The following CNTNAP2 variants were observed in gnomAD, a reference collection of about 807,000 sequenced individuals.
The protein encoded by CNTNAP2 is contactin associated protein 2.
A neutral mutation model predicts 155.2 loss-of-function variants in CNTNAP2; 98 were observed. The observed-to-expected ratio is 0.63, with a 90% CI of 0.54 to 0.75. The LOEUF is 0.75. Among genes scored for constraint, CNTNAP2 ranks in the 30% least tolerant of loss-of-function variants. The pLI is 0.00. For synonymous variants in CNTNAP2, 651 were observed against 631.2 expected (o/e 1.03, Z -0.47); for missense variants, 1,727 against 1,688.1 (o/e 1.02, Z -0.40).
chr7:147,704,120 T>TA (rs1796275815), intron 13 of CNTNAP2, among the ~76,000 whole-genome samples: 1 of 152,240 alleles, frequency 6.6e-6, no homozygotes, highest in Non-Finnish European at 1.5e-5. Flanking sequence ...ATTGTGTACA[T>TA]ACACAACTTT....
chr7:147,983,544 G>C (rs754857309), intron 15 of CNTNAP2, among the ~76,000 whole-genome samples: 1 of 152,162 alleles, frequency 6.6e-6, no homozygotes, highest in East Asian at 1.9e-4. Context: ...ACAGGCTCAA[G>C]AGGTCCTCAG....
intron 9 of CNTNAP2, among the ~76,000 whole-genome samples, chr7:147,350,826 C>T (rs187903790): frequency 6.6e-6 from 1 of 151,844 alleles, no homozygotes; most frequent in East Asian, 1.9e-4. Context: ...TGTGCCTGGA[C>T]CAAAGCATTT....
intron 15 of CNTNAP2, among the ~76,000 whole-genome samples, chr7:148,086,108 T>A (rs1803723604): frequency 6.6e-6 from 1 of 152,214 alleles, no homozygotes; most frequent in South Asian, 2.1e-4. Flanking sequence ...TCAGGAAGTT[T>A]AGTTTGCCCA....
intron 9 of CNTNAP2, among the ~76,000 whole-genome samples, chr7:147,306,226 C>T (rs1455129582): frequency 6.6e-6 from 1 of 152,104 alleles, no homozygotes; most frequent in Non-Finnish European, 1.5e-5. Context: ...AGCAGACTTC[C>T]TAAAGGAGAT....
At chr7:147,461,485 G>C (rs1335326710) in intron 10 of CNTNAP2, among the ~76,000 whole-genome samples, 2 of 152,136 alleles carry the variant, frequency 1.3e-5, no homozygotes, top group South Asian at 2.1e-4. Context: ...GAAGTGAACT[G>C]TTTGTAATTA....
chr7:147,778,344 T>C (rs1373107602), intron 13 of CNTNAP2, among the ~76,000 whole-genome samples: 2 of 152,236 alleles, frequency 1.3e-5, no homozygotes, highest in Admixed American at 1.3e-4. Flanking sequence ...AGTTACTTTC[T>C]TGTCATCATG....
chr7:146,387,549 G>T (rs1211807951), intron 1 of CNTNAP2, among the ~76,000 whole-genome samples: 1 of 152,136 alleles, frequency 6.6e-6, no homozygotes, highest in East Asian at 1.9e-4. Flanking sequence ...GAAGTAATAT[G>T]TTTACTCTTG....
At chr7:148,399,923 AT>A (rs1223502149) in intron 22 of CNTNAP2, among the ~76,000 whole-genome samples, 1 of 152,182 alleles carries the variant, frequency 6.6e-6, no homozygotes. Context: ...AATGGTCTAC[AT>A]TAAATTTCTG....
At position 147,072,119 on chromosome 7, in the gene CNTNAP2, G is replaced by T. The variant is rs547473641; in HGVS notation, c.550+28065G>T. ...GGGAGAACTTCTCCAGGGAGGTGAT[G>T]GCTGGTTGAGCTTTGGAAAGTAGGT... On this transcript the variant is annotated intron_variant, in intron 4 of 23. Transcript: ENST00000361727. Among the ~76,000 whole-genome samples, 16 of 152,222 alleles carry T rather than the reference G, an allele frequency of 1.1e-4. 2 individuals carry two copies. The South Asian group carries it at 3.3e-3, about 32-fold the overall frequency.
At chr7:148,379,562 A>T (rs1165383593) in intron 21 of CNTNAP2, among the ~76,000 whole-genome samples, 6 of 152,032 alleles carry the variant, frequency 3.9e-5, no homozygotes, top group Admixed American at 3.9e-4. Flanking sequence ...AAAAAAAAAA[A>T]TTAGTCGGGC....
intron 3 of CNTNAP2, among the ~76,000 whole-genome samples, chr7:146,879,881 G>C (rs774181035): frequency 6.6e-6 from 1 of 152,078 alleles, no homozygotes; most frequent in Non-Finnish European, 1.5e-5. Flanking sequence ...ACAGTTCCAC[G>C]TGGCTGGGGA....
Position 148,409,481 on chromosome 7 carries a change from G to A in CNTNAP2, c.3796+10G>A. 6.2e-7 allele frequency: 1 copy of A among 1,610,974 alleles called. No homozygotes were observed. The highest frequency in any genetic ancestry group is 1.1e-5 in the South Asian group (1 of 91,012). ...TCGGCTATCATTGGAGGTAGGTGAT[G>A]TCTAGAGGAGGCTTATATGGGGCTA... On this transcript the variant is annotated intron_variant, in intron 23 of 23. Coordinates refer to ENST00000361727, the MANE Select transcript of CNTNAP2 (RefSeq NM_014141.6).
intron 1 of CNTNAP2, among the ~76,000 whole-genome samples, chr7:146,649,575 G>A (rs545450363): frequency 6.6e-6 from 1 of 152,170 alleles, no homozygotes; most frequent in Admixed American, 6.5e-5. Flanking sequence ...GAGGAAACTG[G>A]AAATTATTCT....
At chr7:147,649,458 A>G (rs915737633) in intron 13 of CNTNAP2, among the ~76,000 whole-genome samples, 1 of 152,186 alleles carries the variant, frequency 6.6e-6, no homozygotes, top group Non-Finnish European at 1.5e-5. Context: ...ATCTGGCTAT[A>G]TGTTTTCTTA....
chr7:146,401,379 G>C (rs1037829724), intron 1 of CNTNAP2, among the ~76,000 whole-genome samples: 1 of 152,132 alleles, frequency 6.6e-6, no homozygotes, highest in African/African-American at 2.4e-5. Flanking sequence ...AAAATAAGTA[G>C]ATTAGGGAGA....
At chr7:146,656,709 A>G (rs1800001123) in intron 1 of CNTNAP2, among the ~76,000 whole-genome samples, 2 of 152,206 alleles carry the variant, frequency 1.3e-5, no homozygotes, top group African/African-American at 4.8e-5. Context: ...ATTGATGACT[A>G]AAGTATGTCA....
intron 14 of CNTNAP2, among the ~76,000 whole-genome samples, chr7:147,937,245 TTTG>T (rs1409502026): frequency 6.6e-6 from 1 of 152,204 alleles, no homozygotes; most frequent in African/African-American, 2.4e-5. Context: ...TTAGAATTTA[TTTG>T]TTGTTAAGTT....
chr7:147,969,995 C>A (rs181662926), intron 14 of CNTNAP2, among the ~76,000 whole-genome samples: 12 of 151,090 alleles, frequency 7.9e-5, no homozygotes, highest in South Asian at 2.1e-4. Flanking sequence ...GGTGGTGTAA[C>A]CTTGGCTTGC....
At chr7:147,175,831 A>G (rs1350376469) in intron 8 of CNTNAP2, among the ~76,000 whole-genome samples, 1 of 152,164 alleles carries the variant, frequency 6.6e-6, no homozygotes, top group East Asian at 1.9e-4. Flanking sequence ...ATCTGTTAGG[A>G]TCAATAAAAC....
Sources: gnomAD v4.1 joint callset for allele counts (sites outside exome capture counted in the v4.1 genomes callset) on GRCh38, gnomAD v4.1.1 for gene constraint, MANE v1.5 for transcripts, NCBI Gene and HGNC (gene_info 2026-07-23, HGNC 2026-07-21) for gene names.